Variants in NTM observed in about 807,000 individuals in gnomAD.
NTM encodes neurotrimin.
A neutral mutation model predicts 42.1 loss-of-function variants in NTM; 13 were observed. The observed-to-expected ratio is 0.31, with a 90% CI of 0.20 to 0.49. The LOEUF is 0.49. NTM is among the 20% of genes least tolerant of loss of function. The probability of loss-of-function intolerance (pLI) is 0.99; values close to 1 mark genes in which losing one functional copy is unlikely to be tolerated. For missense variants in NTM, 373 were observed against 452.8 expected (o/e 0.82, Z 1.60); for synonymous variants, 187 against 179.2 (o/e 1.04, Z -0.35).
intron 7 of NTM, among the ~76,000 whole-genome samples, chr11:132,327,022 C>T (rs1009936549): frequency 6.6e-6 from 1 of 152,198 alleles, no homozygotes; most frequent in Admixed American, 6.5e-5. Flanking sequence ...TTCATTCTTC[C>T]TCAGCATTTT....
chr11:131,462,524 G>A (rs1272887230), intron 1 of NTM, among the ~76,000 whole-genome samples: 1 of 152,240 alleles, frequency 6.6e-6, no homozygotes, highest in Non-Finnish European at 1.5e-5. Flanking sequence ...GTTGAAGTTA[G>A]TGAATTCGGT....
Position 131,617,865 on chromosome 11 carries a change from A to G in NTM, c.82+246977A>G, listed in dbSNP as rs1012042494. Among the ~76,000 whole-genome samples, 3 of 152,312 alleles carry G rather than the reference A, an allele frequency of 2.0e-5. 1 individual carries two copies. The highest frequency in any genetic ancestry group is 7.2e-5 in the African/African-American group (3 of 41,572). On this transcript the variant is annotated intron_variant, in intron 1 of 8. Transcript: ENST00000683400. ...TAGATGATAGGGGTGAATCTAGACC[A>G]GAAGGCAGATAGGCAGGGGGTTGGG...
chr11:131,970,521 T>C (rs1483098713), intron 2 of NTM, among the ~76,000 whole-genome samples: 7 of 152,232 alleles, frequency 4.6e-5, no homozygotes, highest in South Asian at 2.1e-4. Context: ...CCCCATTCCT[T>C]CCTAGGACCT....
intron 1 of NTM, among the ~76,000 whole-genome samples, chr11:131,632,577 C>CT (rs1295361977): frequency 3.5e-5 from 5 of 144,884 alleles, no homozygotes; most frequent in African/African-American, 1.0e-4. Flanking sequence ...AGCAGAGTTT[C>CT]TTTTTTATTT....
chr11:132,314,356 A>C (rs1053246038), intron 6 of NTM, 196 bp from the exon 7 acceptor site: 4 of 212,760 alleles, frequency 1.9e-5, no homozygotes, highest in African/African-American at 9.3e-5. Context: ...ACATGTGTGA[A>C]AATCAAGAAA....
intron 1 of NTM, among the ~76,000 whole-genome samples, chr11:131,484,891 C>G (rs1007185359): frequency 1.6e-4 from 24 of 152,164 alleles, no homozygotes; most frequent in African/African-American, 5.6e-4. Context: ...AGAAATGGAA[C>G]ATAAGCATTG....
At position 132,104,985 on chromosome 11, in the gene NTM, A is replaced by G. The variant is rs1338916402; in HGVS notation, c.168-41297A>G. ...TATATATATATATATATATATATAT[A>G]TATATATTTCATGGGAAGCCAAATG... On this transcript the variant is annotated intron_variant, in intron 2 of 8. Transcript: ENST00000683400. Among the ~76,000 whole-genome samples the G allele has an allele frequency of 3.8e-5, 4 of 106,428 alleles. 1 individual carries two copies. The highest frequency in any genetic ancestry group is 5.7e-5 in the Non-Finnish European group (3 of 52,920). 69.8% of individuals were successfully genotyped at this position (106,428 alleles called of 152,430 possible). A position where few individuals can be genotyped will look rare whatever the true frequency, so the allele number is the denominator to read the frequency against.
intron 2 of NTM, among the ~76,000 whole-genome samples, chr11:132,096,747 G>T (rs2061046373): frequency 6.6e-6 from 1 of 152,158 alleles, no homozygotes; most frequent in Non-Finnish European, 1.5e-5. Context: ...TTGGTCTAGG[G>T]CCTGCGGGGA....
intron 1 of NTM, chr11:131,794,705 C>T: frequency 1.0e-6 from 1 of 985,354 alleles, no homozygotes; most frequent in Non-Finnish European, 1.2e-6. Context: ...ACACAGTGTC[C>T]TAGAATGCAT....
chr11:132,288,230 C>CTTGG (rs2094323658), intron 4 of NTM, among the ~76,000 whole-genome samples: 1 of 152,114 alleles, frequency 6.6e-6, no homozygotes, highest in Non-Finnish European at 1.5e-5. Flanking sequence ...GCCATGGAAG[C>CTTGG]CAAGACACGT....
intron 2 of NTM, among the ~76,000 whole-genome samples, chr11:132,076,114 G>C (rs191831868): frequency 6.6e-6 from 1 of 152,278 alleles, no homozygotes; most frequent in East Asian, 1.9e-4. Flanking sequence ...TCTTCCAACT[G>C]TAACCTGTTT....
In NTM at chr11:132,310,242, C is replaced by T. The variant is rs376743717; in HGVS notation, c.782+10C>T. On this transcript the variant is annotated intron_variant, in intron 6 of 8. Transcript: ENST00000683400. The stretch of plus-strand genomic sequence containing the variant: ...ACAAGGATGACAAAAGGTAAAGCTT[C>T]CTTCTTTCCTATCCCACCCCTACCC... 6.3e-7 allele frequency: 1 copy of T among 1,587,956 alleles called. No homozygotes were observed. Among genetic ancestry groups the T allele is most frequent in the Non-Finnish European group, 8.5e-7 (1 of 1,170,840 alleles).
At chr11:131,675,979 A>C (rs2071315767) in intron 1 of NTM, among the ~76,000 whole-genome samples, 1 of 152,182 alleles carries the variant, frequency 6.6e-6, no homozygotes, top group African/African-American at 2.4e-5. Flanking sequence ...GGTGTTGAAG[A>C]GGACTGGCAA....
intron 4 of NTM, among the ~76,000 whole-genome samples, chr11:132,242,333 G>C (rs957574071): frequency 2.6e-5 from 4 of 152,168 alleles, no homozygotes; most frequent in African/African-American, 7.2e-5. Flanking sequence ...GGAAATGGAG[G>C]ATCAAGCTGA....
intron 2 of NTM, among the ~76,000 whole-genome samples, chr11:132,010,904 C>T (rs77067945): frequency 0.085 from 12,865 of 151,944 alleles, 722 homozygotes; most frequent in Non-Finnish European, 0.13. Flanking sequence ...GACAGGGCTC[C>T]TAGACTCCCC....
chr11:132,084,449 T>TAAACATAG (rs1309459068), intron 2 of NTM, among the ~76,000 whole-genome samples: 1 of 152,176 alleles, frequency 6.6e-6, no homozygotes, highest in Admixed American at 6.5e-5. Flanking sequence ...TCTATGTACC[T>TAAACATAG]AAACATGTCA....
intron 2 of NTM, among the ~76,000 whole-genome samples, chr11:132,142,225 T>A (rs963809041): frequency 3.3e-5 from 5 of 152,218 alleles, no homozygotes; most frequent in African/African-American, 1.2e-4. Context: ...GACTTGTGAC[T>A]ATTCCTCCAT....
At chr11:131,714,317 T>C (rs1592674075) in intron 1 of NTM, among the ~76,000 whole-genome samples, 2 of 152,130 alleles carry the variant, frequency 1.3e-5, no homozygotes. Context: ...GCCTCCCAAG[T>C]AGCTGGGACT....
At chr11:132,291,766 G>A (rs555393258) in intron 4 of NTM, among the ~76,000 whole-genome samples, 109 of 152,206 alleles carry the variant, frequency 7.2e-4, no homozygotes, top group Non-Finnish European at 1.3e-3. Flanking sequence ...GGAGTGAGTT[G>A]TCAGCTATGT....
Sources: allele counts gnomAD v4.1 joint callset (sites outside exome capture counted in the v4.1 genomes callset), GRCh38; gene constraint gnomAD v4.1.1; transcripts MANE v1.5; gene names NCBI Gene and HGNC (gene_info 2026-07-23, HGNC 2026-07-21).